Variants in PDCD11 observed in about 807,000 individuals in gnomAD.
PDCD11 encodes the protein protein RRP5 homolog.
PDCD11 carries 97 observed loss-of-function variants against 198.9 expected under a neutral mutation model. The ratio of observed to expected loss-of-function variants is 0.49; its 90% CI spans 0.41 to 0.58. The LOEUF is 0.58. PDCD11 is among the 20% of genes least tolerant of loss of function. The pLI is 0.00. For synonymous variants in PDCD11, 893 were observed against 918.0 expected (o/e 0.97, Z 0.49); for missense variants, 2,102 against 2,312.7 (o/e 0.91, Z 1.87).
At chr10:103,419,197 A>T (rs1022587472) in intron 15 of PDCD11, among the ~76,000 whole-genome samples, 1 of 152,150 alleles carries the variant, frequency 6.6e-6, no homozygotes, top group Non-Finnish European at 1.5e-5. Context: ...CTGCCAGACC[A>T]GGGGGATGAG....
intron 25 of PDCD11, among the ~76,000 whole-genome samples, chr10:103,436,412 G>A (rs971591465): frequency 6.6e-6 from 1 of 152,168 alleles, no homozygotes; most frequent in Admixed American, 6.5e-5. Context: ...TGTTTTAATA[G>A]CCTGAATAAA....
In PDCD11 at chr10:103,423,120, G is replaced by T. The variant is rs199529671; in HGVS notation, c.2630G>T (p.Ser877Ile). The change falls in exon 18 of 36, where the codon AGC (serine) becomes ATC (isoleucine). Residue 877 changes from serine (S) to isoleucine (I), a missense_variant. By Grantham distance (142) the Ser-to-Ile change is moderately radical. Transcript: ENST00000369797. ...GTGCCCGACCTGGTCCTGAAAGCCA[G>T]CAGATACCATCGCGCAGGTGAGTGC... ...GPVPDLVLKA[S>I]RYHRAGQEVE... 5 of 1,587,656 alleles carry T rather than the reference G, an allele frequency of 3.1e-6. No individual in the cohort carries two copies. Among genetic ancestry groups the T allele is most frequent in the Non-Finnish European group, 4.3e-6 (5 of 1,168,198 alleles).
intron 2 of PDCD11, 68 bp downstream of exon 2, chr10:103,398,596 C>G (rs964917078): frequency 9.8e-7 from 1 of 1,017,550 alleles, no homozygotes; most frequent in Non-Finnish European, 1.5e-6. Context: ...GAAAAATGAG[C>G]CTTATTTGAG....
rs759416560 is a variant in PDCD11 at position 103,400,395 on chromosome 10, A to G, written c.103-2A>G. The G allele has an allele frequency of 1.2e-6, 2 of 1,609,554 alleles. No homozygotes were observed. Among genetic ancestry groups the G allele is most frequent in the African/African-American group, 2.7e-5 (2 of 74,436 alleles). The stretch of plus-strand genomic sequence containing the variant: ...TTGTGGGCTCCCCCTACCCGCTTCT[A>G]GATTTCTACTGAAGAGGGATCCACC... On this transcript the variant is annotated splice_acceptor_variant, in intron 2 of 35. Transcript: ENST00000369797. LOFTEE classifies it high-confidence loss of function.
At chr10:103,412,956 A>G (rs970155156) in intron 8 of PDCD11, among the ~76,000 whole-genome samples, 160 bp from the exon 9 acceptor site, 2 of 152,272 alleles carry the variant, frequency 1.3e-5, no homozygotes, top group African/African-American at 4.8e-5. Context: ...ATTTTTCTGC[A>G]TTCTGCTTGA....
Position 103,439,884 on chromosome 10 carries a change from T to C in PDCD11, c.4148+16T>C. 1 of 1,609,302 alleles carries C rather than the reference T, an allele frequency of 6.2e-7. No individual in the cohort carries two copies. Among genetic ancestry groups the C allele is most frequent in the African/African-American group, 1.3e-5 (1 of 74,906 alleles). ...GGGTCCTACGGTAGGTGCCTTCCCG[T>C]TCTCTCTCTCTCTGTAATGTGAATC... On this transcript the variant is annotated intron_variant, in intron 28 of 35. Transcript: ENST00000369797.
chr10:103,400,217 G>GC (rs146704197), intron 2 of PDCD11, among the ~76,000 whole-genome samples, 180 bp from the exon 3 acceptor site: 3,088 of 127,398 alleles, frequency 0.024, 62 homozygotes, highest in South Asian at 0.071. Context: ...AACATTGGCG[G>GC]CCCCCCCCCT....
intron 2 of PDCD11, among the ~76,000 whole-genome samples, chr10:103,399,487 G>C (rs1393416870): frequency 6.6e-6 from 1 of 152,144 alleles, no homozygotes; most frequent in Non-Finnish European, 1.5e-5. Context: ...TGGAACAACA[G>C]GCATGTTCCA....
At position 103,418,553 on chromosome 10, in the gene PDCD11, C is replaced by T. The variant is rs750416628; in HGVS notation, c.2025C>T (p.Asn675=). The T allele has an allele frequency of 3.2e-5, 52 of 1,614,084 alleles. No homozygotes were observed. Among genetic ancestry groups the T allele is most frequent in the East Asian group, 6.7e-5 (3 of 44,890 alleles). ...CTCATCTGTCGGACCACGTTGCCAACGGCCCATTGTTACATCATTGGCTCC... is the reference window on the plus strand; with the variant it reads ...CTCATCTGTCGGACCACGTTGCCAATGGCCCATTGTTACATCATTGGCTCC... The part of the protein sequence containing the change: ...PTSHLSDHVA[N]GPLLHHWLQA... Residue 675 remains asparagine, a synonymous_variant, in exon 15 of 36, where the codon AAC becomes AAT. Coordinates refer to ENST00000369797, the MANE Select transcript of PDCD11 (RefSeq NM_014976.2).
chr10:103,444,473 G>T, intron 34 of PDCD11, 44 bp from the exon 35 acceptor site: 1 of 1,580,946 alleles, frequency 6.3e-7, no homozygotes. Context: ...TGTGGTGAGG[G>T]GGCTGTCTGC....
intron 16 of PDCD11, among the ~76,000 whole-genome samples, chr10:103,420,509 G>A (rs1302996636): frequency 1.3e-5 from 2 of 152,108 alleles, no homozygotes; most frequent in African/African-American, 4.8e-5. Context: ...CTCCTGGTGT[G>A]CCTGGCACGT....
chr10:103,398,929 G>A (rs1019321007), intron 2 of PDCD11, among the ~76,000 whole-genome samples: 3 of 152,146 alleles, frequency 2.0e-5, no homozygotes, highest in Non-Finnish European at 4.4e-5. Flanking sequence ...CATGAGAATT[G>A]CTTGAACCAA....
chr10:103,434,096 C>T, intron 23 of PDCD11, 59 bp downstream of exon 23: 1 of 1,395,172 alleles, frequency 7.2e-7, no homozygotes, highest in Non-Finnish European at 1.0e-6. Flanking sequence ...TGGCCCAGTG[C>T]CTGGTGTGTG....
At chr10:103,444,378 G>C (rs2032512166) in intron 34 of PDCD11, 139 bp from the exon 35 acceptor site, 1 of 817,196 alleles carries the variant, frequency 1.2e-6, no homozygotes. Context: ...ACCCCTTTTG[G>C]GTCTTTGTCC....
intron 31 of PDCD11, 58 bp downstream of exon 31, chr10:103,442,033 G>C: frequency 6.2e-7 from 1 of 1,602,794 alleles, no homozygotes; most frequent in Non-Finnish European, 8.5e-7. Flanking sequence ...TCAGTCTCTT[G>C]TGCTCTGTTC....
At chr10:103,428,453 G>A (rs201197399) in intron 21 of PDCD11, among the ~76,000 whole-genome samples, 1 of 143,846 alleles carries the variant, frequency 7.0e-6, no homozygotes, top group Non-Finnish European at 1.5e-5. Flanking sequence ...TTTGTTAACT[G>A]TGGTTTCTTA....
intron 2 of PDCD11, chr10:103,399,768 AAC>A (rs1329811029): frequency 6.6e-6 from 1 of 152,260 alleles, no homozygotes; most frequent in African/African-American, 2.4e-5. Context: ...AGCTCACTGC[AAC>A]CTCCACTTCT....
chr10:103,426,928 C>CAAAA (rs1017044267), intron 20 of PDCD11, among the ~76,000 whole-genome samples: 154 of 129,718 alleles, frequency 1.2e-3, no homozygotes, highest in South Asian at 2.3e-3. Flanking sequence ...CCCATCTCTA[C>CAAAA]AAAAAAAAAA....
chr10:103,433,731 T>C (rs562475100), intron 22 of PDCD11, among the ~76,000 whole-genome samples: 3 of 152,258 alleles, frequency 2.0e-5, no homozygotes, highest in Non-Finnish European at 4.4e-5. Context: ...CTGGAAGAGA[T>C]GCACATTCTG....
Sources: allele counts gnomAD v4.1 joint callset (sites outside exome capture counted in the v4.1 genomes callset), GRCh38; gene constraint gnomAD v4.1.1; transcripts MANE v1.5; gene names NCBI Gene and HGNC (gene_info 2026-07-23, HGNC 2026-07-21).